NEO1: variants seen among roughly 807,000 people sequenced by gnomAD.
NEO1 encodes neogenin.
A neutral mutation model predicts 159.7 loss-of-function variants in NEO1; 63 were observed. The observed-to-expected ratio is 0.39, with a 90% CI of 0.32 to 0.49. The LOEUF (loss-of-function observed/expected upper bound fraction) is 0.49. Ranked by LOEUF, NEO1 falls within the 20% of genes least tolerant of loss-of-function variation. The pLI is 0.85. For missense variants in NEO1, 1,615 were observed against 1,831.0 expected (o/e 0.88, Z 2.15); for synonymous variants, 633 against 662.0 (o/e 0.96, Z 0.67).
At chr15:73,176,239 G>A (rs1001481553) in intron 5 of NEO1, among the ~76,000 whole-genome samples, 164 bp from the exon 6 acceptor site, 2 of 151,984 alleles carry the variant, frequency 1.3e-5, no homozygotes, top group Admixed American at 6.5e-5. Flanking sequence ...TTCCTAACAT[G>A]TATTTTTTAT....
chr15:73,075,468 C>T (rs2068725767), intron 1 of NEO1, among the ~76,000 whole-genome samples: 1 of 152,094 alleles, frequency 6.6e-6, no homozygotes, highest in Admixed American at 6.6e-5. Context: ...TTTATGTATG[C>T]CAACTTTATA....
intron 15 of NEO1, among the ~76,000 whole-genome samples, chr15:73,265,767 T>C (rs1038780399): frequency 6.6e-6 from 1 of 152,172 alleles, no homozygotes; most frequent in Non-Finnish European, 1.5e-5. Context: ...GAAAAGCAGC[T>C]GTTTTAAGCT....
At position 73,072,500 on chromosome 15, in the gene NEO1, G is replaced by A. The variant is rs1321440678; in HGVS notation, c.130+19695G>A. Among the ~76,000 whole-genome samples the A allele has an allele frequency of 3.3e-5, 5 of 152,130 alleles. No individual in the cohort carries two copies. In the South Asian group the frequency reaches 8.3e-4, roughly 25 times the overall value. ...GACAAATTCAGTAAACCTTTATTGA[G>A]TACATGTTGCATGCTCTATGTTGGG... is the stretch of plus-strand genomic sequence containing the variant. On this transcript the variant is annotated intron_variant, in intron 1 of 28. Transcript: ENST00000261908.
At chr15:73,152,471 C>T (rs1366497924) in intron 5 of NEO1, among the ~76,000 whole-genome samples, 5 of 152,104 alleles carry the variant, frequency 3.3e-5, no homozygotes, top group African/African-American at 4.8e-5. Flanking sequence ...GGAAGCTCTG[C>T]GCCCCTTTCT....
intron 22 of NEO1, among the ~76,000 whole-genome samples, chr15:73,280,381 C>G (rs1183633642): frequency 6.6e-6 from 1 of 152,144 alleles, no homozygotes; most frequent in East Asian, 1.9e-4. Flanking sequence ...TGGCAGCTCA[C>G]TCTTGCTGTA....
intron 5 of NEO1, among the ~76,000 whole-genome samples, chr15:73,170,168 T>G (rs1341117403): frequency 6.6e-6 from 1 of 152,168 alleles, no homozygotes; most frequent in Non-Finnish European, 1.5e-5. Context: ...TGGACTATAA[T>G]GTACCTAGTG....
At chr15:73,249,971 C>T (rs930292912) in intron 11 of NEO1, among the ~76,000 whole-genome samples, 24 of 152,144 alleles carry the variant, frequency 1.6e-4, no homozygotes, top group African/African-American at 5.6e-4. Context: ...ACTGGATAGG[C>T]TCTCAGCGTT....
chr15:73,276,189 T>G (rs917946629), intron 21 of NEO1, among the ~76,000 whole-genome samples: 1 of 152,234 alleles, frequency 6.6e-6, no homozygotes, highest in Non-Finnish European at 1.5e-5. Context: ...TTAAAATTCT[T>G]TACTCATTGA....
intron 14 of NEO1, 130 bp from the exon 15 acceptor site, chr15:73,260,141 A>G (rs1003076757): frequency 1.5e-6 from 1 of 652,242 alleles, no homozygotes; most frequent in African/African-American, 1.8e-5. Context: ...TTCTTTTTGA[A>G]CTCTTGGGCA....
chr15:73,149,143 C>T (rs1378331822), intron 5 of NEO1, among the ~76,000 whole-genome samples: 2 of 151,920 alleles, frequency 1.3e-5, no homozygotes, highest in East Asian at 1.9e-4. Context: ...GGTGCAACCC[C>T]GTCTCTACCA....
At chr15:73,113,459 A>G (rs968554011) in intron 1 of NEO1, among the ~76,000 whole-genome samples, 1 of 152,212 alleles carries the variant, frequency 6.6e-6, no homozygotes, top group African/African-American at 2.4e-5. Context: ...TTCCCAAACT[A>G]TACCCTGAGA....
At chr15:73,235,476 C>T (rs1451997662) in intron 7 of NEO1, among the ~76,000 whole-genome samples, 1 of 152,216 alleles carries the variant, frequency 6.6e-6, no homozygotes, top group Non-Finnish European at 1.5e-5. Flanking sequence ...TACCGCTATA[C>T]AAAAGTGGCT....
intron 7 of NEO1, among the ~76,000 whole-genome samples, chr15:73,220,338 T>A (rs576639267): frequency 6.6e-6 from 1 of 152,332 alleles, no homozygotes; most frequent in Non-Finnish European, 1.5e-5. Flanking sequence ...TAACCTGACC[T>A]TTCTCTCTGG....
At chr15:73,296,482 G>A (rs917565058) in intron 26 of NEO1, among the ~76,000 whole-genome samples, 3 of 152,278 alleles carry the variant, frequency 2.0e-5, no homozygotes, top group Middle Eastern at 3.4e-3. Context: ...GAGGGTGTAC[G>A]AGTCCCTCAT....
Position 73,288,500 on chromosome 15 carries a change from G to A in NEO1, c.3598G>A (p.Val1200Ile), listed in dbSNP as rs2042034030. The A allele has an allele frequency of 2.5e-6, 4 of 1,614,062 alleles. 1 individual carries two copies. Among genetic ancestry groups the A allele is most frequent in the East Asian group, 2.2e-5 (1 of 44,872 alleles). ...TCGCAACTCTCAAGATATCACACCA[G>A]TTGACAACTCCATGGACAGCAATAT... ...IPRNSQDITP[V>I]DNSMDSNIHQ... The change falls in exon 24 of 29, where the codon GTT becomes ATT. Residue 1200 changes from valine (V) to isoleucine (I), a missense_variant. Coordinates refer to ENST00000261908, the MANE Select transcript of NEO1 (RefSeq NM_002499.4).
chr15:73,162,122 A>T (rs2034226725), intron 5 of NEO1: 1 of 223,186 alleles, frequency 4.5e-6, no homozygotes, highest in African/African-American at 2.3e-5. Context: ...CCTCTCCACA[A>T]CCCGGGTAAC....
intron 7 of NEO1, among the ~76,000 whole-genome samples, chr15:73,220,294 T>A (rs553751000): frequency 6.6e-6 from 1 of 152,344 alleles, no homozygotes; most frequent in Non-Finnish European, 1.5e-5. Context: ...TGCCGAGAGA[T>A]CCACTGTTAG....
At chr15:73,194,953 T>G (rs2036453964) in intron 7 of NEO1, among the ~76,000 whole-genome samples, 1 of 152,216 alleles carries the variant, frequency 6.6e-6, no homozygotes, top group Non-Finnish European at 1.5e-5. Flanking sequence ...TGAATGCTGT[T>G]TTTAGATAGC....
intron 22 of NEO1, among the ~76,000 whole-genome samples, chr15:73,279,506 G>C (rs190866611): frequency 1.3e-5 from 2 of 151,778 alleles, no homozygotes; most frequent in African/African-American, 2.4e-5. Flanking sequence ...CTGCCACCAC[G>C]CCCAGCTAAT....
Sources: allele counts gnomAD v4.1 joint callset (sites outside exome capture counted in the v4.1 genomes callset), GRCh38; gene constraint gnomAD v4.1.1; transcripts MANE v1.5; gene names NCBI Gene and HGNC (gene_info 2026-07-23, HGNC 2026-07-21).